Variants in RNF213 observed in about 807,000 individuals in gnomAD.
The protein encoded by RNF213 is E3 ubiquitin-protein ligase RNF213.
A neutral mutation model predicts 514.4 loss-of-function variants in RNF213; 341 were observed. The ratio of observed to expected loss-of-function variants is 0.66; its 90% CI spans 0.61 to 0.73. The LOEUF (loss-of-function observed/expected upper bound fraction) is 0.73, where lower values mean the gene tolerates loss of function less well. Among genes scored for constraint, RNF213 ranks in the 30% least tolerant of loss-of-function variants. The probability of loss-of-function intolerance (pLI) is 0.00; values close to 1 mark genes in which losing one functional copy is unlikely to be tolerated. For missense variants in RNF213, 5,767 were observed against 6,615.6 expected, an observed-to-expected ratio of 0.87 and a Z score of 4.45; for synonymous variants, 2,655 against 2,658.2, an observed-to-expected ratio of 1.00 and a Z score of 0.04.
Position 80,291,775 on chromosome 17 carries a change from C to T in RNF213, c.1419C>T (p.Gly473=), listed in dbSNP as rs1261482669. The T allele has an allele frequency of 3.7e-6, 6 of 1,614,166 alleles. No homozygotes were observed. Among genetic ancestry groups the T allele is most frequent in the South Asian group, 1.1e-5 (1 of 91,088 alleles). Residue 473 remains glycine (G), a synonymous_variant, in exon 8 of 68, where the codon GGC becomes GGT. Coordinates refer to ENST00000582970, the MANE Select transcript of RNF213 (RefSeq NM_001256071.3). ...TTTACAAGCACCAGCAGAAGAAGGG[C>T]GAGTACGTCAACCGCTGTCTGTTCA... The part of the protein sequence containing the change: ...EFIYKHQQKK[G]EYVNRCLFIK...
Position 80,264,042 on chromosome 17 carries a change from C to G in RNF213, c.97+264C>G, listed in dbSNP as rs1157878330. ...CTTCCGTCCCTCGTTCAGGCCCGGC[C>G]TGAGTGAGCCCACCCGAGTGGGAGG... On this transcript the variant is annotated intron_variant, in intron 2 of 67. Transcript: ENST00000582970. This position sits in a 1 kb window ranked among gnomAD's most constrained non-coding sequence, Gnocchi z 5.0. 2.6e-5 allele frequency among the ~76,000 whole-genome samples: 4 copies of G among 152,210 alleles called. No individual in the cohort carries two copies. The highest frequency in any genetic ancestry group is 9.6e-5 in the African/African-American group (4 of 41,460).
chr17:80,357,249 G>A (rs1325230858), intron 36 of RNF213, among the ~76,000 whole-genome samples: 1 of 152,106 alleles, frequency 6.6e-6, no homozygotes, highest in Non-Finnish European at 1.5e-5. Context: ...CAAGAATTTT[G>A]AAATAGAGCT....
At chr17:80,388,531 G>A (rs769435561) in intron 63 of RNF213, 81 bp from the exon 64 acceptor site, 73 of 973,046 alleles carry the variant, frequency 7.5e-5, no homozygotes, top group African/African-American at 6.4e-5. Flanking sequence ...GCAGTTTTCC[G>A]GCTGCAGATT....
At chr17:80,312,180 G>C (rs1407508025) in intron 14 of RNF213, among the ~76,000 whole-genome samples, 1 of 152,102 alleles carries the variant, frequency 6.6e-6, no homozygotes, top group Non-Finnish European at 1.5e-5. Flanking sequence ...ATTAATCCAG[G>C]ACTGTGGGGC....
chr17:80,385,098 A>C lies in RNF213; in HGVS notation c.14382A>C (p.Leu4794=), dbSNP rs746750997. 8 of 1,614,016 alleles carry C rather than the reference A, an allele frequency of 5.0e-6. No homozygotes were observed. The highest frequency in any genetic ancestry group is 5.9e-6 in the Non-Finnish European group (7 of 1,179,980). The change falls in exon 60 of 68, where the codon CTA becomes CTC. Residue 4794 remains leucine (L), a synonymous_variant. Transcript: ENST00000582970. The part of the protein sequence containing the change: ...LPEILALQRD[L]VKQFQNVQQV... ...AGATTTTGGCCTTGCAAAGGGATCTAGTGAAGCAGTTCCAGAACGTCCAGC... is the reference window on the plus strand; with the variant it reads ...AGATTTTGGCCTTGCAAAGGGATCTCGTGAAGCAGTTCCAGAACGTCCAGC...
At position 80,345,424 on chromosome 17, in the gene RNF213, C is replaced by T. The variant is rs145895753; in HGVS notation, c.7089C>T (p.Val2363=). ...GLLLQRVPFN[V]DFDKLPRHKK... is the part of the protein sequence containing the mutation. ...TGCTCCAGAGGGTGCCCTTCAATGT[C>T]GACTTTGATAAACTGCCCAGACACA... Residue 2363 remains valine, a synonymous_variant, in exon 29 of 68, where the codon GTC becomes GTT. Transcript: ENST00000582970. This position sits in a 1 kb window ranked among gnomAD's most constrained non-coding sequence, Gnocchi z 6.0. 448 of 1,613,642 alleles carry T rather than the reference C, an allele frequency of 2.8e-4. 3 individuals are homozygous for T. Among genetic ancestry groups the T allele is most frequent in the Admixed American group, 1.0e-4 (6 of 59,996 alleles).
At position 80,372,718 on chromosome 17, in the gene RNF213, G is replaced by A. The variant is rs373785138; in HGVS notation, c.12735G>A (p.Glu4245=). 9.9e-6 allele frequency: 16 copies of A among 1,613,414 alleles called. No individual in the cohort carries two copies. Among genetic ancestry groups the A allele is most frequent in the African/African-American group, 8.0e-5 (6 of 74,944 alleles). Residue 4245 remains glutamate (E), a synonymous_variant, in exon 48 of 68, where the codon GAG becomes GAA. Transcript: ENST00000582970. ...ACAGAGCTGCAGATTTCCTCTCGGAGCCTGAGGGAGGCCCAGGCAAGTCTT... is the reference window on the plus strand; with the variant it reads ...ACAGAGCTGCAGATTTCCTCTCGGAACCTGAGGGAGGCCCAGGCAAGTCTT... ...CLDRAADFLS[E]PEGGPEMAKE... is the part of the protein sequence containing the mutation.
At chr17:80,285,509 G>T (rs1005234376) in intron 3 of RNF213, among the ~76,000 whole-genome samples, 9 of 152,220 alleles carry the variant, frequency 5.9e-5, no homozygotes, top group Non-Finnish European at 1.0e-4. Flanking sequence ...GTGAAGGGTT[G>T]TGCAGCACCT....
rs192299839 is a variant in RNF213, at chr17:80,383,794, C to A, written c.14188C>A (p.Pro4730Thr). The change falls in exon 59 of 68, where the codon CCC becomes ACC. Residue 4730 changes from proline to threonine, a missense_variant. Physicochemically the swap from Pro to Thr is conservative, Grantham distance 38. Transcript: ENST00000582970. The stretch of plus-strand genomic sequence containing the variant: ...CCCAGTGACCTTCCTGCCCCACCTG[C>A]CCCGGAAAAGTGTGGTCCATTGCTC... ...GDPVTFLPHL[P>T]RKSVVHCSKI... 3 of 1,614,148 alleles carry A rather than the reference C, an allele frequency of 1.9e-6. No individual in the cohort carries two copies. Among genetic ancestry groups the A allele is most frequent in the Non-Finnish European group, 2.5e-6 (3 of 1,180,044 alleles).
chr17:80,265,046 T>TTGTTTG (rs1408547834), intron 2 of RNF213, among the ~76,000 whole-genome samples: 134 of 77,340 alleles, frequency 1.7e-3, no homozygotes, highest in Middle Eastern at 6.2e-3. Flanking sequence ...GTTTGTTTGT[T>TTGTTTG]TTTTTTTTTT....
In RNF213 at chr17:80,343,330, G is replaced by T. The variant is rs1248637545; in HGVS notation, c.6183+5G>T. ...CACCTGGACGTGACCTCCTCAGTAA[G>T]TGCCCTCCAGCGTCAGCCGATGGCC... On this transcript the variant is annotated splice_donor_5th_base_variant and intron_variant, in intron 27 of 67. Transcript: ENST00000582970. This position sits in a 1 kb window ranked among gnomAD's most constrained non-coding sequence, Gnocchi z 4.3. 1 of 1,610,578 alleles carries T rather than the reference G, an allele frequency of 6.2e-7. No individual in the cohort carries two copies. The highest frequency in any genetic ancestry group is 8.5e-7 in the Non-Finnish European group (1 of 1,179,022).
At chr17:80,371,079 T>A (rs541407396) in intron 46 of RNF213, among the ~76,000 whole-genome samples, 1 of 152,218 alleles carries the variant, frequency 6.6e-6, no homozygotes, top group South Asian at 2.1e-4. Context: ...AGTGAACCAA[T>A]ATTTTCCAAA....
Position 80,347,758 on chromosome 17 carries a change from G to C in RNF213, c.9423G>C (p.Arg3141=). 1 of 1,614,152 alleles carries C rather than the reference G, an allele frequency of 6.2e-7. No homozygotes were observed. Among genetic ancestry groups the C allele is most frequent in the Non-Finnish European group, 8.5e-7 (1 of 1,180,044 alleles). Reference sequence around the variant, plus strand: ...TGGGGACCCACCGCGTCAAATGTCGGGTTCACCCCAACTTCCGCCTGATTG... The same window carrying C: ...TGGGGACCCACCGCGTCAAATGTCGCGTTCACCCCAACTTCCGCCTGATTG... ...LGLGTHRVKC[R]VHPNFRLIVI... is the part of the protein sequence containing the mutation. The change falls in exon 29 of 68, where the codon CGG becomes CGC. Residue 3141 remains arginine, a synonymous_variant. Transcript: ENST00000582970. This position sits in a 1 kb window ranked among gnomAD's most constrained non-coding sequence, Gnocchi z 7.2.
At chr17:80,328,537 G>C in intron 20 of RNF213, 60 bp downstream of exon 20, 2 of 1,501,286 alleles carry the variant, frequency 1.3e-6, no homozygotes, top group Non-Finnish European at 1.8e-6. Context: ...GGAGAACACA[G>C]TAAGAATGGA....
intron 11 of RNF213, among the ~76,000 whole-genome samples, chr17:80,305,064 G>A (rs1339630966): frequency 6.6e-6 from 1 of 152,070 alleles, no homozygotes; most frequent in Non-Finnish European, 1.5e-5. Flanking sequence ...TTGTAGAGAT[G>A]GAATCTTGCT....
intron 36 of RNF213, 178 bp downstream of exon 36, chr17:80,354,754 G>A (rs567160399): frequency 2.7e-6 from 2 of 738,066 alleles, no homozygotes; most frequent in African/African-American, 1.7e-5. Context: ...CTGGACAGTG[G>A]CCAAATGGCA....
At chr17:80,352,579 A>C (rs759752387) in intron 32 of RNF213, 54 of 543,814 alleles carry the variant, frequency 9.9e-5, no homozygotes, top group Non-Finnish European at 1.5e-4. Context: ...AATTTCGTGG[A>C]GAATGGAAGG....
chr17:80,347,815 CT>C lies in RNF213; in HGVS notation c.9483del (p.Ile3163SerfsTer72). The C allele has an allele frequency of 6.2e-7, 1 of 1,614,176 alleles. No homozygotes were observed. The highest frequency in any genetic ancestry group is 8.5e-7 in the Non-Finnish European group (1 of 1,180,034). ...IEEKDVVYKH[F>X]PIPLINRLEK... is the part of the protein sequence containing the mutation. Reference sequence around the variant, plus strand: ...AAGAGAAAGACGTCGTGTACAAACACTTTCCCATCCCCCTCATTAACCGGCT... The same window carrying C: ...AAGAGAAAGACGTCGTGTACAAACACTTCCCATCCCCCTCATTAACCGGCT... On this transcript the variant is annotated frameshift_variant, in exon 29 of 68. Transcript: ENST00000582970. LOFTEE classifies it high-confidence loss of function. This position sits in a 1 kb window ranked among gnomAD's most constrained non-coding sequence, Gnocchi z 7.2.
intron 49 of RNF213, 132 bp downstream of exon 49, chr17:80,373,297 C>A: frequency 4.5e-6 from 3 of 659,710 alleles, no homozygotes; most frequent in Non-Finnish European, 5.3e-6. Context: ...CCACCACATA[C>A]CCTCATACCC....
Sources: gnomAD v4.1 joint callset for allele counts (sites outside exome capture counted in the v4.1 genomes callset) on GRCh38, gnomAD v4.1.1 for gene constraint, Gnocchi (gnomAD v3.1) non-coding constraint, MANE v1.5 for transcripts, NCBI Gene and HGNC (gene_info 2026-07-23, HGNC 2026-07-21) for gene names.